Variants in FBN2 observed in about 807,000 individuals in gnomAD.
FBN2 encodes fibrillin 2, also known as fibrillin-2.
FBN2 carries 105 observed loss-of-function variants against 355.6 expected under a neutral mutation model. The observed-to-expected ratio is 0.30, with a 90% CI of 0.25 to 0.35. The LOEUF (loss-of-function observed/expected upper bound fraction) is 0.35, where lower values mean the gene tolerates loss of function less well. Among genes scored for constraint, FBN2 ranks in the 10% least tolerant of loss-of-function variants. FBN2 has a pLI of 1.00. For missense variants in FBN2, 3,280 were observed against 3,758.7 expected (o/e 0.87, Z 3.33); for synonymous variants, 1,350 against 1,301.2 (o/e 1.04, Z -0.81).
intron 49 of FBN2, 73 bp from the exon 50 acceptor site, chr5:128,290,957 G>T: frequency 7.0e-7 from 1 of 1,424,238 alleles, no homozygotes; most frequent in Non-Finnish European, 9.9e-7. Context: ...TCTCATTGTA[G>T]AACACGGGAT....
rs1399733646 is a variant in FBN2, at chr5:128,259,802, C to G, written c.8392G>C (p.Asp2798His). ...TTCATGTTGACGGGGCTGTCCATGT[C>G]GACACTCTCTAGGCTGATCTGTTCA... is the stretch of plus-strand genomic sequence containing the variant. ...AVEQISLESV[D>H]MDSPVNMKFN... is the part of the protein sequence containing the mutation. Residue 2798 changes from aspartate to histidine, a missense_variant, in exon 65 of 65, where the codon GAC becomes CAC. Asp to His is a moderately conservative substitution (Grantham distance 81, BLOSUM62 -1). Transcript: ENST00000262464. 1 of 1,613,368 alleles carries G rather than the reference C, an allele frequency of 6.2e-7. No individual in the cohort carries two copies. Among genetic ancestry groups the G allele is most frequent in the Admixed American group, 1.7e-5 (1 of 59,908 alleles).
Position 128,345,541 on chromosome 5 carries a change from T to C in FBN2, c.3033A>G (p.Glu1011=). Residue 1011 remains glutamate, a synonymous_variant, in exon 24 of 65, where the codon GAA becomes GAG. Coordinates refer to ENST00000262464, the MANE Select transcript of FBN2 (RefSeq NM_001999.4). ...ACTTTCCAGGAACGGGGTGGATGCA[T>C]TCATCTTCATCCCACTTCAAGTAAC... ...EQCYLKWDED[E]CIHPVPGKFR... 1 of 1,614,006 alleles carries C rather than the reference T, an allele frequency of 6.2e-7. No homozygotes were observed. The highest frequency in any genetic ancestry group is 8.5e-7 in the Non-Finnish European group (1 of 1,179,984).
At chr5:128,335,029 T>G in intron 30 of FBN2, 141 bp downstream of exon 30, 1 of 1,321,040 alleles carries the variant, frequency 7.6e-7, no homozygotes, top group Non-Finnish European at 1.1e-6. Context: ...TAATTCTTCC[T>G]GAGATTTTAC....
intron 5 of FBN2, among the ~76,000 whole-genome samples, chr5:128,513,886 G>T (rs1166707336): frequency 6.6e-6 from 1 of 151,606 alleles, no homozygotes; most frequent in African/African-American, 2.4e-5. Context: ...CAAGATAAGG[G>T]TATCAACTGA....
intron 48 of FBN2, among the ~76,000 whole-genome samples, chr5:128,293,056 G>A (rs1749373099): frequency 6.6e-6 from 1 of 152,154 alleles, no homozygotes; most frequent in Non-Finnish European, 1.5e-5. Flanking sequence ...GGTGCCAAAT[G>A]TTCACTGTCA....
intron 1 of FBN2, 46 bp downstream of exon 1, chr5:128,537,304 C>G: frequency 6.2e-7 from 1 of 1,604,204 alleles, no homozygotes; most frequent in Non-Finnish European, 8.5e-7. Context: ...GGATTCCCCC[C>G]TCCCCCAAGC....
At chr5:128,392,990 C>T (rs1286259421) in intron 10 of FBN2, 145 bp downstream of exon 10, 2 of 442,470 alleles carry the variant, frequency 4.5e-6, no homozygotes, top group Admixed American at 3.4e-5. Flanking sequence ...TTCCCTCTGT[C>T]TCTCTCTCTC....
At chr5:128,465,251 T>C (rs1034466685) in intron 5 of FBN2, among the ~76,000 whole-genome samples, 5 of 152,206 alleles carry the variant, frequency 3.3e-5, no homozygotes, top group African/African-American at 1.2e-4. Context: ...ATGAAATTTG[T>C]ATTTCTGGCT....
At chr5:128,310,807 C>CCAG (rs1750033073) in intron 39 of FBN2, among the ~76,000 whole-genome samples, 2 of 152,026 alleles carry the variant, frequency 1.3e-5, no homozygotes, top group African/African-American at 4.8e-5. Context: ...CCAGAAGCCC[C>CCAG]CAGTTTAGTG....
At chr5:128,430,229 T>A (rs1434906900) in intron 7 of FBN2, among the ~76,000 whole-genome samples, 1 of 152,066 alleles carries the variant, frequency 6.6e-6, no homozygotes, top group African/African-American at 2.4e-5. Flanking sequence ...TTGCCAGTAG[T>A]TTTTTCATTT....
rs113364513 is a variant in FBN2, at chr5:128,425,120, A to G, written c.953-16321T>C. On this transcript the variant is annotated intron_variant, in intron 7 of 64. Transcript: ENST00000262464. ...TTTTGTTAGTCCAAATTTAAGACAC[A>G]TTAGGACAAACTTAAAACTTAAAAC... Among the ~76,000 whole-genome samples the G allele has an allele frequency of 7.4e-3, 1,128 of 151,898 alleles. 16 individuals are homozygous for G. The highest frequency in any genetic ancestry group is 0.025 in the African/African-American group (1,041 of 41,430).
chr5:128,537,194 C>T (rs1289053315), intron 1 of FBN2, among the ~76,000 whole-genome samples, 156 bp downstream of exon 1: 1 of 147,250 alleles, frequency 6.8e-6, no homozygotes, highest in Non-Finnish European at 1.5e-5. Context: ...AAGGGGGACG[C>T]GCTCCTGGGG....
At chr5:128,373,739 C>T (rs1752008870) in intron 15 of FBN2, among the ~76,000 whole-genome samples, 1 of 152,166 alleles carries the variant, frequency 6.6e-6, no homozygotes, top group African/African-American at 2.4e-5. Flanking sequence ...GCTGGGGTTC[C>T]CAAACGCCAG....
chr5:128,283,398 T>A (rs1311869096), intron 55 of FBN2, among the ~76,000 whole-genome samples: 1 of 152,204 alleles, frequency 6.6e-6, no homozygotes, highest in East Asian at 1.9e-4. Context: ...CCTGAAGAAG[T>A]CACCAAATCT....
At chr5:128,476,619 A>G (rs1033937057) in intron 5 of FBN2, among the ~76,000 whole-genome samples, 3 of 152,128 alleles carry the variant, frequency 2.0e-5, no homozygotes, top group Non-Finnish European at 4.4e-5. Context: ...AAATAAAAAG[A>G]GCAAAAACTT....
chr5:128,446,380 G>A, intron 7 of FBN2, 101 bp downstream of exon 7: 1 of 1,233,734 alleles, frequency 8.1e-7, no homozygotes, highest in Non-Finnish European at 1.2e-6. Context: ...TAGATAAAGA[G>A]TTTTAATTGT....
At chr5:128,313,448 C>A (rs1464373120) in intron 36 of FBN2, among the ~76,000 whole-genome samples, 1 of 152,140 alleles carries the variant, frequency 6.6e-6, no homozygotes, top group South Asian at 2.1e-4. Flanking sequence ...CATCTAAAAT[C>A]AAACTGTCAA....
chr5:128,262,933 C>T (rs1765011717), intron 63 of FBN2, among the ~76,000 whole-genome samples: 1 of 152,172 alleles, frequency 6.6e-6, no homozygotes, highest in African/African-American at 2.4e-5. Context: ...TGAATGACAC[C>T]ACACCAACTA....
At chr5:128,310,365 CATATATATATATAT>C (rs1178825562) in intron 39 of FBN2, among the ~76,000 whole-genome samples, 22 of 57,216 alleles carry the variant, frequency 3.8e-4, no homozygotes, top group African/African-American at 1.3e-3. Flanking sequence ...TTCCTTGGCA[CATATATATATATAT>C]ATATATATAT....
Sources: gnomAD v4.1 joint callset for allele counts (sites outside exome capture counted in the v4.1 genomes callset) on GRCh38, gnomAD v4.1.1 for gene constraint, MANE v1.5 for transcripts, NCBI Gene and HGNC (gene_info 2026-07-23, HGNC 2026-07-21) for gene names.